Variants in GALNT9 observed in about 807,000 individuals in gnomAD.
GALNT9 encodes the protein GalNAc transferase 9.
A neutral mutation model predicts 63.1 loss-of-function variants in GALNT9; 47 were observed. The ratio of observed to expected loss-of-function variants is 0.75; its 90% confidence interval spans 0.59 to 0.95. The LOEUF (loss-of-function observed/expected upper bound fraction) is 0.95. Among genes scored for constraint, GALNT9 ranks in the 40% least tolerant of loss-of-function variants. GALNT9 has a pLI of 0.00. For missense variants in GALNT9, 829 were observed against 874.8 expected, an observed-to-expected ratio of 0.95 and a Z score of 0.66; for synonymous variants, 396 against 365.7, an observed-to-expected ratio of 1.08 and a Z score of -0.94.
Position 132,240,361 on chromosome 12 carries a change from G to A in GALNT9, c.1077+7549C>T, listed in dbSNP as rs2136898149. The A allele has an allele frequency of 1.4e-5, 5 of 348,266 alleles. No homozygotes were observed. In the East Asian group the frequency reaches 3.0e-4, roughly 21 times the overall value. The allele number at this position is 348,266 out of a possible 1,614,324, so 21.6% of individuals were successfully genotyped here. On this transcript the variant is annotated intron_variant, in intron 6 of 10. Coordinates refer to ENST00000328957, the MANE Select transcript of GALNT9 (RefSeq NM_001122636.2). ...TCCAGGGCTGCAGGGAGACCCCACT[G>A]TACACCCCATGCTGGCCAGGTGGCT... is the stretch of plus-strand genomic sequence containing the variant.
intron 6 of GALNT9, among the ~76,000 whole-genome samples, chr12:132,206,551 A>G (rs1385320739): frequency 3.3e-5 from 5 of 152,042 alleles, no homozygotes; most frequent in Non-Finnish European, 7.4e-5. Context: ...GGAGGCTGAA[A>G]CATGAGAATC....
chr12:132,315,153 C>T lies in GALNT9; in HGVS notation c.238+13813G>A, dbSNP rs1868441689. 6.6e-6 allele frequency among the ~76,000 whole-genome samples: 1 copy of T among 152,186 alleles called. No individual in the cohort carries two copies. Reference sequence around the variant, plus strand: ...GAGTCCAGGCGGCCCAGCGCTCTAGCCACATTTTAACCACAAGGCTCTGCA... The same window carrying T: ...GAGTCCAGGCGGCCCAGCGCTCTAGTCACATTTTAACCACAAGGCTCTGCA... On this transcript the variant is annotated intron_variant, in intron 1 of 10. Coordinates refer to ENST00000328957, the MANE Select transcript of GALNT9 (RefSeq NM_001122636.2). The surrounding 1 kb of genome is among the most constrained non-coding windows in gnomAD (Gnocchi z 6.1).
intron 2 of GALNT9, among the ~76,000 whole-genome samples, chr12:132,269,201 G>A (rs957150299): frequency 2.0e-5 from 3 of 151,494 alleles, no homozygotes; most frequent in Non-Finnish European, 4.4e-5. Flanking sequence ...AGGGGGAGGC[G>A]TCGGGAGGCA....
At chr12:132,328,596 C>T (rs868939587) in intron 1 of GALNT9, among the ~76,000 whole-genome samples, 1 of 152,162 alleles carries the variant, frequency 6.6e-6, no homozygotes, top group Non-Finnish European at 1.5e-5. Flanking sequence ...CTAAACCTGA[C>T]GGCCCCCACT....
intron 5 of GALNT9, among the ~76,000 whole-genome samples, chr12:132,250,878 C>A (rs1878889467): frequency 6.6e-6 from 1 of 152,212 alleles, no homozygotes. Flanking sequence ...GAGTCGGGAC[C>A]CACATCCCCG....
intron 6 of GALNT9, among the ~76,000 whole-genome samples, chr12:132,215,104 G>A (rs1877131474): frequency 6.6e-6 from 1 of 152,236 alleles, no homozygotes; most frequent in Admixed American, 6.5e-5. Flanking sequence ...GAGGAAACGC[G>A]ACACAATCGC....
Position 132,329,478 on chromosome 12 carries a change from G to A in GALNT9, c.-275C>T, listed in dbSNP as rs1869204287. ...CGGCCCCGCCCCGGGGAGCGGTGAGGGGGGCCGGGGGCGCCGGGGGGCGGC... is the reference window on the plus strand; with the variant it reads ...CGGCCCCGCCCCGGGGAGCGGTGAGAGGGGCCGGGGGCGCCGGGGGGCGGC... On this transcript the variant is annotated 5_prime_UTR_variant, in exon 1 of 11. Transcript: ENST00000328957. 1 of 172,714 alleles carries A rather than the reference G, an allele frequency of 5.8e-6. No homozygotes were observed. Among genetic ancestry groups the A allele is most frequent in the Non-Finnish European group, 1.1e-5 (1 of 87,460 alleles). 10.7% of individuals were successfully genotyped at this position (172,714 alleles called of 1,614,324 possible).
intron 6 of GALNT9, among the ~76,000 whole-genome samples, chr12:132,207,911 A>AC (rs775882098): frequency 6.7e-6 from 1 of 150,030 alleles, no homozygotes; most frequent in Non-Finnish European, 1.5e-5. Flanking sequence ...GACAGCCCCC[A>AC]CCCCCCACCA....
chr12:132,269,214 G>A (rs1385106050), intron 2 of GALNT9, among the ~76,000 whole-genome samples: 2 of 151,884 alleles, frequency 1.3e-5, no homozygotes, highest in Non-Finnish European at 2.9e-5. Flanking sequence ...GGGAGGCAGC[G>A]TCACCTGCCC....
chr12:132,276,742 GA>G (rs1880108706), intron 2 of GALNT9, among the ~76,000 whole-genome samples: 1 of 152,216 alleles, frequency 6.6e-6, no homozygotes, highest in African/African-American at 2.4e-5. Context: ...TAATAATCAA[GA>G]CTATGTTATG....
rs182463710 is a variant in GALNT9 at position 132,304,046 on chromosome 12, C to T, written c.239-17616G>A. Among the ~76,000 whole-genome samples, 9 of 38,186 alleles carry T rather than the reference C, an allele frequency of 2.4e-4. 1 individual carries two copies. The highest frequency in any genetic ancestry group is 9.5e-4 in the African/African-American group (9 of 9,446). The allele number at this position is 38,186 out of a possible 152,430, so 25.1% of individuals were successfully genotyped here. A position where few individuals can be genotyped will look rare whatever the true frequency, so the allele number is the denominator to read the frequency against. On this transcript the variant is annotated intron_variant, in intron 1 of 10. Transcript: ENST00000328957. ...CGGGGCACACCCTCGCCCGGACACA[C>T]CCTCACCCGGGCACACCCTCACCTG...
rs1321569221 is a variant in GALNT9 at position 132,319,551 on chromosome 12, G to T, written c.238+9415C>A. 6.6e-6 allele frequency among the ~76,000 whole-genome samples: 1 copy of T among 152,146 alleles called. No individual in the cohort carries two copies. Among genetic ancestry groups the T allele is most frequent in the African/African-American group, 2.4e-5 (1 of 41,438 alleles). ...GGGGCCTCTTGGTCTGCACAGTCAC[G>T]GGAGCCAATCCTCACCCTACATCTC... is the stretch of plus-strand genomic sequence containing the variant. On this transcript the variant is annotated intron_variant, in intron 1 of 10. Coordinates refer to ENST00000328957, the MANE Select transcript of GALNT9 (RefSeq NM_001122636.2). This position sits in a 1 kb window ranked among gnomAD's most constrained non-coding sequence, Gnocchi z 5.2.
Position 132,328,996 on chromosome 12 carries a change from G to C in GALNT9, c.208C>G (p.Leu70Val), listed in dbSNP as rs1869169097. 1 of 1,541,150 alleles carries C rather than the reference G, an allele frequency of 6.5e-7. No individual in the cohort carries two copies. Residue 70 changes from leucine (L) to valine (V), a missense_variant, in exon 1 of 11, where the codon CTG becomes GTG. Transcript: ENST00000328957. Reference sequence around the variant, plus strand: ...AGCTGGTTGTAGACCACCTCCTCCAGGTGGTCCAGGCGCTGCAGGATGGCC... The same window carrying C: ...AGCTGGTTGTAGACCACCTCCTCCACGTGGTCCAGGCGCTGCAGGATGGCC... ...REAILQRLDHLEEVVYNQLNG... is the reference protein window; with the variant it reads ...REAILQRLDHVEEVVYNQLNG...
intron 6 of GALNT9, among the ~76,000 whole-genome samples, chr12:132,206,615 G>C (rs146976709): frequency 0.033 from 4,863 of 149,614 alleles, 253 homozygotes; most frequent in African/African-American, 0.11. Flanking sequence ...CCACTGCACT[G>C]CAGCCTGGGC....
rs1878253496 is a variant in GALNT9, at chr12:132,240,794, A to C, written c.1077+7116T>G. 3 of 446,844 alleles carry C rather than the reference A, an allele frequency of 6.7e-6. 1 individual carries two copies. Among genetic ancestry groups the C allele is most frequent in the South Asian group, 4.8e-5 (3 of 63,030 alleles). 27.7% of individuals were successfully genotyped at this position (446,844 alleles called of 1,614,324 possible). A position where few individuals can be genotyped will look rare whatever the true frequency, so the allele number is the denominator to read the frequency against. On this transcript the variant is annotated intron_variant, in intron 6 of 10. Coordinates refer to ENST00000328957, the MANE Select transcript of GALNT9 (RefSeq NM_001122636.2). ...TGTGCAGTATGATCTATACATGTTT[A>C]CACACATGCCACACACCCTTCCCAA... is the stretch of plus-strand genomic sequence containing the variant.
intron 1 of GALNT9, among the ~76,000 whole-genome samples, chr12:132,291,378 A>G (rs368062556): frequency 3.4e-4 from 34 of 99,942 alleles, no homozygotes; most frequent in African/African-American, 6.7e-4. Flanking sequence ...CGTCCACAGC[A>G]CCCACGTCCA....
Position 132,261,015 on chromosome 12 carries a change from C to T in GALNT9, c.694G>A (p.Gly232Ser), listed in dbSNP as rs1555239712. ...ACTGGGGCGGTGGCCGCCTTCCAGC[C>T]CTGCAGCCGCGCGCGGATCAGTCCT... ...REGLIRARLQGWKAATAPVVG... is the reference protein window; with the variant it reads ...REGLIRARLQSWKAATAPVVG... The change falls in exon 4 of 11, where the codon GGC becomes AGC. Residue 232 changes from glycine (G) to serine (S), a missense_variant. Gly to Ser is a moderately conservative substitution (Grantham distance 56, BLOSUM62 0). Coordinates refer to ENST00000328957, the MANE Select transcript of GALNT9 (RefSeq NM_001122636.2). The T allele has an allele frequency of 3.2e-6, 5 of 1,549,870 alleles. No individual in the cohort carries two copies. The highest frequency in any genetic ancestry group is 4.4e-6 in the Non-Finnish European group (5 of 1,146,580).
chr12:132,276,003 G>A (rs28450875), intron 2 of GALNT9, among the ~76,000 whole-genome samples: 9,990 of 152,296 alleles, frequency 0.066, 1,088 homozygotes, highest in African/African-American at 0.23. Context: ...GCCTGGCATC[G>A]AGCCGGCTCT....
At chr12:132,318,719 G>A (rs941851898) in intron 1 of GALNT9, among the ~76,000 whole-genome samples, 11 of 152,204 alleles carry the variant, frequency 7.2e-5, no homozygotes, top group Non-Finnish European at 1.5e-4. Context: ...GCCGTGGGCC[G>A]CCTGCCCTCC....
Sources: gnomAD v4.1 joint callset for allele counts (sites outside exome capture counted in the v4.1 genomes callset) on GRCh38, gnomAD v4.1.1 for gene constraint, Gnocchi (gnomAD v3.1) non-coding constraint, MANE v1.5 for transcripts, NCBI Gene and HGNC (gene_info 2026-07-23, HGNC 2026-07-21) for gene names.